The following RABGAP1L variants were observed in gnomAD, a reference collection of about 807,000 sequenced individuals.
RABGAP1L encodes RAB GTPase activating protein 1 like, also known as rab GTPase-activating protein 1-like.
RABGAP1L carries 63 observed loss-of-function variants against 137.7 expected under a neutral mutation model. The observed-to-expected ratio is 0.46, with a 90% CI of 0.37 to 0.56. RABGAP1L has a LOEUF of 0.56. RABGAP1L is among the 20% of genes least tolerant of loss of function. The probability of loss-of-function intolerance (pLI) is 0.00; values close to 1 mark genes in which losing one functional copy is unlikely to be tolerated. For synonymous variants in RABGAP1L, 431 were observed against 433.7 expected (o/e 0.99, Z 0.08); for missense variants, 1,095 against 1,244.0 (o/e 0.88, Z 1.80).
intron 22 of RABGAP1L, among the ~76,000 whole-genome samples, chr1:174,978,244 A>C (rs1169665556): frequency 1.3e-5 from 2 of 152,256 alleles, no homozygotes; most frequent in Middle Eastern, 6.8e-3. Flanking sequence ...ACCTGCCATT[A>C]TGTGTCACTT....
At chr1:174,272,328 A>C in intron 7 of RABGAP1L, 86 bp from the exon 8 acceptor site, 1 of 1,379,748 alleles carries the variant, frequency 7.2e-7, no homozygotes, top group Non-Finnish European at 9.8e-7. Context: ...CAGATTGTAT[A>C]GTTATTGTAA....
chr1:174,558,549 A>G (rs965067925), intron 13 of RABGAP1L, among the ~76,000 whole-genome samples: 1 of 152,222 alleles, frequency 6.6e-6, no homozygotes, highest in Non-Finnish European at 1.5e-5. Context: ...AGGAAGACCA[A>G]TTAATGGTTA....
chr1:174,976,757 A>C (rs1187227037), intron 22 of RABGAP1L, among the ~76,000 whole-genome samples: 1 of 152,246 alleles, frequency 6.6e-6, no homozygotes, highest in Non-Finnish European at 1.5e-5. Flanking sequence ...TACACTCTTC[A>C]TGGGAGCTGT....
intron 13 of RABGAP1L, among the ~76,000 whole-genome samples, chr1:174,567,611 G>T (rs1667672919): frequency 6.6e-6 from 1 of 152,088 alleles, no homozygotes; most frequent in African/African-American, 2.4e-5. Flanking sequence ...TTGTTTTGAG[G>T]ATTAAAGAGT....
rs1259587957 is a variant in RABGAP1L, at chr1:174,448,583, T to C, written c.1710+54438T>C. 6.2e-7 allele frequency: 1 copy of C among 1,613,998 alleles called. No homozygotes were observed. The highest frequency in any genetic ancestry group is 8.5e-7 in the Non-Finnish European group (1 of 1,179,878). The stretch of plus-strand genomic sequence containing the variant: ...CAATCAACTGGTCACCCCTTGTCGC[T>C]TGAGAATTTGCATTATTTTGATCTG... On this transcript the variant is annotated intron_variant, in intron 13 of 25. Coordinates refer to ENST00000681986, the MANE Select transcript of RABGAP1L (RefSeq NM_001366446.1). This position sits in a 1 kb window ranked among gnomAD's most constrained non-coding sequence, Gnocchi z 4.2.
intron 13 of RABGAP1L, among the ~76,000 whole-genome samples, chr1:174,504,933 C>T (rs1052578088): frequency 4.8e-4 from 73 of 152,174 alleles, no homozygotes; most frequent in African/African-American, 1.7e-3. Context: ...AGGAGTCATC[C>T]TACAGAATGG....
Position 174,871,035 on chromosome 1 carries a change from G to A in RABGAP1L, c.2340+59075G>A, listed in dbSNP as rs186888997. ...ATTACAGGCATGAGCCACCACGCCC[G>A]GCCTATTATAACATTTTTAGTAAAT... On this transcript the variant is annotated intron_variant, in intron 19 of 25. Coordinates refer to ENST00000681986, the MANE Select transcript of RABGAP1L (RefSeq NM_001366446.1). Among the ~76,000 whole-genome samples, 81 of 151,608 alleles carry A rather than the reference G, an allele frequency of 5.3e-4. 1 individual carries two copies. In the East Asian group the frequency reaches 8.9e-3, roughly 17 times the overall value.
At chr1:174,473,357 C>T (rs1234074549) in intron 13 of RABGAP1L, among the ~76,000 whole-genome samples, 3 of 152,108 alleles carry the variant, frequency 2.0e-5, no homozygotes, top group Admixed American at 6.5e-5. Context: ...CTACTTTGTA[C>T]TTCAGGTTCA....
At chr1:174,652,684 A>C (rs1036609161) in intron 14 of RABGAP1L, among the ~76,000 whole-genome samples, 1 of 152,094 alleles carries the variant, frequency 6.6e-6, no homozygotes, top group African/African-American at 2.4e-5. Flanking sequence ...TGTCCTAGAG[A>C]GGCACTCGCC....
chr1:174,904,001 T>C (rs1658594485), intron 19 of RABGAP1L, among the ~76,000 whole-genome samples: 1 of 148,948 alleles, frequency 6.7e-6, no homozygotes, highest in Non-Finnish European at 1.5e-5. Flanking sequence ...GATTTTAAAA[T>C]GGTGACATGG....
In RABGAP1L at chr1:174,339,896, C is replaced by T. The variant is rs146181748; in HGVS notation, c.1466-31083C>T. Among the ~76,000 whole-genome samples, 739 of 152,108 alleles carry T rather than the reference C, an allele frequency of 4.9e-3. 10 individuals carry two copies. The highest frequency in any genetic ancestry group is 0.011 in the Admixed American group (172 of 15,272). ...TGCTGGAATTACAGGTGTGAGCCACCGCACCCTTGAATGTAAAAATATTTT... is the reference window on the plus strand; with the variant it reads ...TGCTGGAATTACAGGTGTGAGCCACTGCACCCTTGAATGTAAAAATATTTT... On this transcript the variant is annotated intron_variant, in intron 11 of 25. Transcript: ENST00000681986.
chr1:174,267,572 T>C (rs1166662297), intron 7 of RABGAP1L, among the ~76,000 whole-genome samples: 2 of 152,278 alleles, frequency 1.3e-5, no homozygotes, highest in East Asian at 1.9e-4. Context: ...ACATTGAACA[T>C]GCAAAGGATA....
At chr1:174,278,414 A>G (rs1675198519) in intron 9 of RABGAP1L, among the ~76,000 whole-genome samples, 199 bp from the exon 10 acceptor site, 1 of 152,218 alleles carries the variant, frequency 6.6e-6, no homozygotes, top group Non-Finnish European at 1.5e-5. Flanking sequence ...ACAAACACTT[A>G]GGATTATTAG....
intron 18 of RABGAP1L, among the ~76,000 whole-genome samples, chr1:174,783,800 C>G (rs2163628): frequency 0.62 from 91,004 of 145,658 alleles, 31,783 homozygotes; most frequent in East Asian, 0.93. Flanking sequence ...CCTCCACCTC[C>G]CGAGTTCAAG....
intron 13 of RABGAP1L, among the ~76,000 whole-genome samples, chr1:174,420,366 A>C (rs1651110089): frequency 6.6e-6 from 1 of 152,184 alleles, no homozygotes; most frequent in African/African-American, 2.4e-5. Context: ...ACCTTTTAGT[A>C]ATCATTCCCA....
chr1:174,635,285 G>C (rs1331943646), intron 13 of RABGAP1L, among the ~76,000 whole-genome samples: 1 of 152,024 alleles, frequency 6.6e-6, no homozygotes, highest in African/African-American at 2.4e-5. Context: ...CGGGCCAATA[G>C]GCACATATTT....
chr1:174,825,204 T>C (rs1381319045), intron 19 of RABGAP1L, among the ~76,000 whole-genome samples: 1 of 152,236 alleles, frequency 6.6e-6, no homozygotes, highest in Non-Finnish European at 1.5e-5. Context: ...TTTTGCTTTT[T>C]TGATTTTTAT....
chr1:174,265,867 A>G (rs1674024862), intron 7 of RABGAP1L, among the ~76,000 whole-genome samples: 1 of 151,818 alleles, frequency 6.6e-6, no homozygotes, highest in African/African-American at 2.4e-5. Context: ...AATTCTCTGT[A>G]CTGGTAGCAG....
At chr1:174,317,236 A>G (rs1447003682) in intron 11 of RABGAP1L, among the ~76,000 whole-genome samples, 1 of 151,842 alleles carries the variant, frequency 6.6e-6, no homozygotes, top group African/African-American at 2.4e-5. Flanking sequence ...TAGCCACTAC[A>G]GCTAGTAATG....
Sources: allele counts gnomAD v4.1 joint callset (sites outside exome capture counted in the v4.1 genomes callset), GRCh38; gene constraint gnomAD v4.1.1; non-coding constraint Gnocchi (gnomAD v3.1); transcripts MANE v1.5; gene names NCBI Gene and HGNC (gene_info 2026-07-23, HGNC 2026-07-21).